Variants in TET2 observed in about 807,000 individuals in gnomAD.
The protein encoded by TET2 is tet methylcytosine dioxygenase 2, also known as methylcytosine dioxygenase TET2.
In TET2, 299 loss-of-function variants were observed where a neutral mutation model predicts 142.9. The observed-to-expected ratio is 2.09, with a 90% confidence interval of 1.90 to 2.30. TET2 has a LOEUF of 2.30. Ranked by LOEUF, TET2 falls within the 30% of genes most tolerant of loss-of-function variation. The pLI is 0.00. For missense variants in TET2, 2,418 were observed against 2,378.0 expected, an observed-to-expected ratio of 1.02 and a Z score of -0.35; for synonymous variants, 819 against 849.0, an observed-to-expected ratio of 0.96 and a Z score of 0.61.
chr4:105,267,906 T>C (rs1730768031), intron 8 of TET2, among the ~76,000 whole-genome samples: 1 of 152,030 alleles, frequency 6.6e-6, no homozygotes, highest in Admixed American at 6.6e-5. Flanking sequence ...TTTGATAATA[T>C]TCAACATTCA....
intron 2 of TET2, among the ~76,000 whole-genome samples, chr4:105,210,118 A>G (rs1727073983): frequency 6.6e-6 from 1 of 152,146 alleles, no homozygotes; most frequent in Non-Finnish European, 1.5e-5. Flanking sequence ...GAAAGAATGA[A>G]TTCCATTTTG....
intron 2 of TET2, among the ~76,000 whole-genome samples, chr4:105,231,963 G>C (rs1164567110): frequency 6.6e-6 from 1 of 152,162 alleles, no homozygotes; most frequent in African/African-American, 2.4e-5. Context: ...TTGGTGTACA[G>C]ACTATTTTGT....
rs2031748533 is a variant in TET2 at position 105,236,291 on chromosome 4, A to G, written c.2349A>G (p.Glu783=). The G allele has an allele frequency of 6.2e-7, 1 of 1,614,002 alleles. No homozygotes were observed. Among genetic ancestry groups the G allele is most frequent in the African/African-American group, 1.3e-5 (1 of 74,944 alleles). ...GSFFGQTKVE[E]CFHGENQYSK... is the part of the protein sequence containing the mutation. Reference sequence around the variant, plus strand: ...TCTTTGGCCAGACTAAAGTGGAAGAATGTTTTCATGGTGAAAATCAGTATT... The same window carrying G: ...TCTTTGGCCAGACTAAAGTGGAAGAGTGTTTTCATGGTGAAAATCAGTATT... The change falls in exon 3 of 11, where the codon GAA becomes GAG. Residue 783 remains glutamate, a synonymous_variant. Coordinates refer to ENST00000380013, the MANE Select transcript of TET2 (RefSeq NM_001127208.3).
At chr4:105,238,759 T>C (rs931283922) in intron 3 of TET2, 3 of 239,728 alleles carry the variant, frequency 1.3e-5, no homozygotes, top group African/African-American at 6.7e-5. Flanking sequence ...CTGTTAATGT[T>C]GATATATTGA....
intron 1 of TET2, among the ~76,000 whole-genome samples, chr4:105,184,899 A>G (rs1005365861): frequency 1.3e-5 from 2 of 152,242 alleles, no homozygotes; most frequent in Admixed American, 6.5e-5. Context: ...CAGCATTTCA[A>G]CAGGAAGGAA....
intron 9 of TET2, among the ~76,000 whole-genome samples, chr4:105,272,072 G>T (rs1455204664): frequency 6.6e-6 from 1 of 152,106 alleles, no homozygotes; most frequent in Non-Finnish European, 1.5e-5. Flanking sequence ...GAGAGAGTTA[G>T]GTGTCAGGTA....
intron 2 of TET2, among the ~76,000 whole-genome samples, chr4:105,213,137 C>T (rs767448954): frequency 6.6e-6 from 1 of 152,088 alleles, no homozygotes; most frequent in African/African-American, 2.4e-5. Flanking sequence ...AATCTTAACT[C>T]CTCAATTCTT....
At chr4:105,268,762 G>C (rs950120416) in intron 8 of TET2, among the ~76,000 whole-genome samples, 1 of 152,122 alleles carries the variant, frequency 6.6e-6, no homozygotes, top group South Asian at 2.1e-4. Context: ...CTTGAGGCCA[G>C]GAGTTTTGAG....
At chr4:105,265,698 C>T (rs928299185) in intron 8 of TET2, among the ~76,000 whole-genome samples, 9 of 152,104 alleles carry the variant, frequency 5.9e-5, no homozygotes, top group African/African-American at 1.7e-4. Context: ...CATCTTCTAG[C>T]CATGATGGAG....
At chr4:105,225,185 C>CGTGT (rs79864807) in intron 2 of TET2, among the ~76,000 whole-genome samples, 1,507 of 147,204 alleles carry the variant, frequency 0.01, 13 homozygotes, top group Non-Finnish European at 0.015. Context: ...AGTAAAAAAT[C>CGTGT]GTGTGTGTGT....
In TET2 at chr4:105,275,031, T is replaced by G. The variant is rs1321680459; in HGVS notation, c.4538-17T>G. The stretch of plus-strand genomic sequence containing the variant: ...ATCAAAGATACCTGTTTCTGTTCTC[T>G]CTTACCCTGTCCACAGAACTTTTGC... On this transcript the variant is annotated splice_polypyrimidine_tract_variant and intron_variant, in intron 10 of 10. Coordinates refer to ENST00000380013, the MANE Select transcript of TET2 (RefSeq NM_001127208.3). 2.0e-6 allele frequency: 3 copies of G among 1,507,350 alleles called. No individual in the cohort carries two copies. Among genetic ancestry groups the G allele is most frequent in the African/African-American group, 2.8e-5 (2 of 71,750 alleles). 93.4% of individuals were successfully genotyped at this position (1,507,350 alleles called of 1,614,324 possible).
intron 2 of TET2, among the ~76,000 whole-genome samples, chr4:105,208,203 C>T (rs1726938841): frequency 6.6e-6 from 1 of 152,000 alleles, no homozygotes; most frequent in Non-Finnish European, 1.5e-5. Context: ...TCTCTAAATT[C>T]TCATGTTTTT....
chr4:105,216,196 G>A (rs1727481959), intron 2 of TET2, among the ~76,000 whole-genome samples: 1 of 152,108 alleles, frequency 6.6e-6, no homozygotes, highest in Non-Finnish European at 1.5e-5. Flanking sequence ...GAGACATAGA[G>A]TACAAATGAG....
intron 2 of TET2, among the ~76,000 whole-genome samples, chr4:105,220,363 A>G (rs1348975150): frequency 1.3e-5 from 2 of 152,030 alleles, no homozygotes; most frequent in African/African-American, 2.4e-5. Context: ...AGGTAACATA[A>G]TTTTTACAGC....
chr4:105,222,493 T>G (rs543002715), intron 2 of TET2, among the ~76,000 whole-genome samples: 2 of 152,354 alleles, frequency 1.3e-5, no homozygotes, highest in African/African-American at 2.4e-5. Context: ...TCATGTGTCT[T>G]TTGGCTGCAT....
Position 105,275,743 on chromosome 4 carries a change from A to G in TET2, c.5233A>G (p.Ser1745Gly). The change falls in exon 11 of 11, where the codon AGC (serine) becomes GGC (glycine). Residue 1745 changes from serine (S) to glycine (G), a missense_variant. By Grantham distance (56) the Ser-to-Gly change is moderately conservative. Transcript: ENST00000380013. The part of the protein sequence containing the change: ...GATSRLPPNL[S>G]NPNMDYKNGE... Reference sequence around the variant, plus strand: ...CACCTCTAGATTACCACCCAATCTGAGCAATCCAAACATGGACTATAAAAA... The same window carrying G: ...CACCTCTAGATTACCACCCAATCTGGGCAATCCAAACATGGACTATAAAAA... 2 of 1,551,792 alleles carry G rather than the reference A, an allele frequency of 1.3e-6. No individual in the cohort carries two copies. The highest frequency in any genetic ancestry group is 1.7e-6 in the Non-Finnish European group (2 of 1,146,988).
chr4:105,165,604 A>G (rs975825279), intron 1 of TET2, among the ~76,000 whole-genome samples: 11 of 152,226 alleles, frequency 7.2e-5, no homozygotes, highest in Admixed American at 2.6e-4. Context: ...ATGTATATCT[A>G]TTGAATTTCC....
At chr4:105,147,856 G>GGT in intron 1 of TET2, 1 of 69,588 alleles carries the variant, frequency 1.4e-5, no homozygotes, top group East Asian at 2.3e-4. Context: ...GCGGGAGGGG[G>GGT]TGGGGAGCGC....
intron 8 of TET2, among the ~76,000 whole-genome samples, chr4:105,268,226 G>A (rs891908837): frequency 6.6e-6 from 1 of 152,052 alleles, no homozygotes; most frequent in Non-Finnish European, 1.5e-5. Flanking sequence ...ATTTAGCAAA[G>A]TTGTGAAATA....
Sources: allele counts gnomAD v4.1 joint callset (sites outside exome capture counted in the v4.1 genomes callset), GRCh38; gene constraint gnomAD v4.1.1; transcripts MANE v1.5; gene names NCBI Gene and HGNC (gene_info 2026-07-23, HGNC 2026-07-21).